Variants in RCAN2 observed in about 807,000 individuals in gnomAD.
The protein encoded by RCAN2 is regulator of calcineurin 2.
RCAN2 carries 9 observed loss-of-function variants against 23.6 expected under a neutral mutation model. The ratio of observed to expected loss-of-function variants is 0.38; its 90% CI spans 0.23 to 0.67. The LOEUF (loss-of-function observed/expected upper bound fraction) is 0.67. RCAN2 is among the 30% of genes least tolerant of loss of function. The probability of loss-of-function intolerance (pLI) is 0.51; values close to 1 mark genes in which losing one functional copy is unlikely to be tolerated. For missense variants in RCAN2, 273 were observed against 302.3 expected, an observed-to-expected ratio of 0.90 and a Z score of 0.72; for synonymous variants, 109 against 115.7, an observed-to-expected ratio of 0.94 and a Z score of 0.37.
chr6:46,472,989 A>G (rs1182420716), intron 1 of RCAN2, among the ~76,000 whole-genome samples: 1 of 152,214 alleles, frequency 6.6e-6, no homozygotes, highest in Non-Finnish European at 1.5e-5. Flanking sequence ...TCAGAATACC[A>G]AGCTTAAGCC....
At chr6:46,229,511 C>T (rs1765801742) in intron 4 of RCAN2, among the ~76,000 whole-genome samples, 1 of 152,138 alleles carries the variant, frequency 6.6e-6, no homozygotes, top group Non-Finnish European at 1.5e-5. Context: ...CGCTTCATTT[C>T]ATTCATTTGA....
chr6:46,233,751 G>A (rs1489470993), intron 4 of RCAN2, among the ~76,000 whole-genome samples: 2 of 131,504 alleles, frequency 1.5e-5, no homozygotes, highest in African/African-American at 2.8e-5. Flanking sequence ...TTGAGATGGT[G>A]TTTTGCTCTT....
chr6:46,265,297 A>G (rs1362387576), intron 2 of RCAN2, among the ~76,000 whole-genome samples: 1 of 152,034 alleles, frequency 6.6e-6, no homozygotes, highest in Non-Finnish European at 1.5e-5. Flanking sequence ...GTGTGTGTAT[A>G]TGTGTGTGTG....
At chr6:46,447,135 G>T (rs934202289) in intron 2 of RCAN2, among the ~76,000 whole-genome samples, 1 of 151,702 alleles carries the variant, frequency 6.6e-6, no homozygotes, top group Non-Finnish European at 1.5e-5. Context: ...GGGAAGGGAG[G>T]GAAAAAGATA....
chr6:46,412,647 A>T (rs1766580285), intron 2 of RCAN2, among the ~76,000 whole-genome samples: 1 of 152,234 alleles, frequency 6.6e-6, no homozygotes, highest in South Asian at 2.1e-4. Context: ...AGTAGTGGTC[A>T]ATTTCATCAA....
rs758883244 is a variant in RCAN2 at position 46,344,129 on chromosome 6, G to T, written c.226-95233C>A. Among the ~76,000 whole-genome samples the T allele has an allele frequency of 2.0e-5, 3 of 152,298 alleles. No homozygotes were observed. In the East Asian group the frequency reaches 5.8e-4, roughly 29 times the overall value. ...AGAACTATTCTAAAACTATTGTGAT[G>T]ATGGTTGTATAATTCTGTAAATTTG... On this transcript the variant is annotated intron_variant, in intron 2 of 4. Coordinates refer to ENST00000371374, the MANE Select transcript of RCAN2 (RefSeq NM_001251974.2).
intron 1 of RCAN2, among the ~76,000 whole-genome samples, chr6:46,459,462 A>G (rs887315358): frequency 3.3e-5 from 5 of 152,238 alleles, no homozygotes; most frequent in African/African-American, 4.8e-5. Flanking sequence ...CTACTCAAAT[A>G]GCCTTAATTT....
chr6:46,413,577 A>G (rs914718166), intron 2 of RCAN2, among the ~76,000 whole-genome samples: 4 of 152,206 alleles, frequency 2.6e-5, no homozygotes, highest in Admixed American at 2.6e-4. Flanking sequence ...TTTTTGGGTT[A>G]AAATAAGCCT....
chr6:46,369,265 T>TA (rs1450098931), intron 2 of RCAN2, among the ~76,000 whole-genome samples: 2 of 152,122 alleles, frequency 1.3e-5, no homozygotes, highest in African/African-American at 4.8e-5. Context: ...GAATACCTCC[T>TA]GAAGGACCTG....
At chr6:46,467,958 A>T (rs1204365246) in intron 1 of RCAN2, among the ~76,000 whole-genome samples, 1 of 152,154 alleles carries the variant, frequency 6.6e-6, no homozygotes, top group East Asian at 1.9e-4. Context: ...CTGGCCCTGG[A>T]GTCTGAATCC....
At chr6:46,325,363 A>G (rs760094857) in intron 2 of RCAN2, 1 of 1,612,512 alleles carries the variant, frequency 6.2e-7, no homozygotes, top group East Asian at 2.2e-5. Context: ...AGTAACAGCA[A>G]CAATGAAAAA....
At chr6:46,337,007 A>G (rs1183510184) in intron 2 of RCAN2, among the ~76,000 whole-genome samples, 2 of 151,718 alleles carry the variant, frequency 1.3e-5, no homozygotes, top group Non-Finnish European at 1.5e-5. Context: ...TAAGGGTTTC[A>G]GTCTGGGTAG....
At chr6:46,296,637 T>G (rs1053700616) in intron 2 of RCAN2, among the ~76,000 whole-genome samples, 66 of 152,260 alleles carry the variant, frequency 4.3e-4, no homozygotes, top group African/African-American at 1.5e-3. Context: ...TAGGGAGGAA[T>G]AGCAGCATGA....
intron 1 of RCAN2, among the ~76,000 whole-genome samples, chr6:46,486,684 T>A (rs963177267): frequency 1.3e-5 from 2 of 152,238 alleles, no homozygotes; most frequent in Non-Finnish European, 2.9e-5. Context: ...TTTTTATGCA[T>A]ACATTCCAAA....
At chr6:46,461,498 T>C (rs1768203745) in intron 1 of RCAN2, among the ~76,000 whole-genome samples, 2 of 152,006 alleles carry the variant, frequency 1.3e-5, no homozygotes, top group Admixed American at 1.3e-4. Context: ...CTTCATGAAA[T>C]ACTGGAAAGA....
At chr6:46,405,721 G>A (rs535044927) in intron 2 of RCAN2, among the ~76,000 whole-genome samples, 8 of 152,134 alleles carry the variant, frequency 5.3e-5, no homozygotes, top group Admixed American at 1.3e-4. Flanking sequence ...ATCTCGCACC[G>A]GGGCTGCAGG....
chr6:46,326,394 A>C (rs966312470), intron 2 of RCAN2, among the ~76,000 whole-genome samples: 2 of 152,180 alleles, frequency 1.3e-5, no homozygotes, highest in Non-Finnish European at 2.9e-5. Context: ...AGAGCTTGTC[A>C]GATCCTCGGG....
chr6:46,405,353 G>A (rs1307688578), intron 2 of RCAN2, among the ~76,000 whole-genome samples: 4 of 152,158 alleles, frequency 2.6e-5, no homozygotes, highest in Non-Finnish European at 5.9e-5. Flanking sequence ...GACCCGAGCG[G>A]GTTGCCACTG....
chr6:46,454,282 TA>T (rs1374015292), intron 2 of RCAN2, among the ~76,000 whole-genome samples: 1 of 152,166 alleles, frequency 6.6e-6, no homozygotes, highest in Non-Finnish European at 1.5e-5. Flanking sequence ...AATAGTTTTT[TA>T]AAAAGGAGGT....
Sources: gnomAD v4.1 joint callset for allele counts (sites outside exome capture counted in the v4.1 genomes callset) on GRCh38, gnomAD v4.1.1 for gene constraint, MANE v1.5 for transcripts, NCBI Gene and HGNC (gene_info 2026-07-23, HGNC 2026-07-21) for gene names.